NIPBL: variants seen among roughly 807,000 people sequenced by gnomAD.
NIPBL encodes the protein NIPBL cohesin loading factor, also known as nipped-B-like protein.
In NIPBL, 19 loss-of-function variants were observed where a neutral mutation model predicts 321.8. That is an observed-to-expected ratio of 0.06 (90% confidence interval 0.04 to 0.09). The LOEUF is 0.09. Among genes scored for constraint, NIPBL ranks in the 10% least tolerant of loss-of-function variants. The pLI is 1.00. For synonymous variants in NIPBL, 1,106 were observed against 1,114.1 expected (o/e 0.99, Z 0.14); for missense variants, 2,210 against 3,327.0 (o/e 0.66, Z 8.26).
intron 1 of NIPBL, among the ~76,000 whole-genome samples, chr5:36,952,075 T>TGCGCGCGC: frequency 2.8e-5 from 3 of 106,012 alleles, no homozygotes; most frequent in Non-Finnish European, 6.2e-5. Flanking sequence ...CGCGCGCGCA[T>TGCGCGCGC]GTGTGTGTGT....
At position 37,020,880 on chromosome 5, in the gene NIPBL, A is replaced by G; in HGVS notation, c.5328+3A>G. On this transcript the variant is annotated splice_donor_region_variant and intron_variant, in intron 27 of 46. Transcript: ENST00000282516. ...GCTTTGATATTTATTTGACACAGGT[A>G]AACTGGATAAGAATTCCTTATACAG... 1 of 1,591,258 alleles carries G rather than the reference A, an allele frequency of 6.3e-7. No individual in the cohort carries two copies. The highest frequency in any genetic ancestry group is 8.6e-7 in the Non-Finnish European group (1 of 1,159,158).
chr5:36,984,955 C>T lies in NIPBL; in HGVS notation c.1775C>T (p.Thr592Ile), dbSNP rs764538711. 6.2e-7 allele frequency: 1 copy of T among 1,613,872 alleles called. No individual in the cohort carries two copies. Among genetic ancestry groups the T allele is most frequent in the Admixed American group, 1.7e-5 (1 of 59,906 alleles). Residue 592 changes from threonine to isoleucine, a missense_variant, in exon 10 of 47, where the codon ACA (threonine) becomes ATA (isoleucine). Transcript: ENST00000282516. ...QEDIVGSLKS[T>I]PENHPETPKK... ...GATATTGTTGGAAGTCTTAAATCTACACCAGAAAACCATCCTGAGACACCT... is the reference window on the plus strand; with the variant it reads ...GATATTGTTGGAAGTCTTAAATCTATACCAGAAAACCATCCTGAGACACCT...
chr5:36,935,179 A>C (rs1297204441), intron 1 of NIPBL, among the ~76,000 whole-genome samples: 1 of 152,106 alleles, frequency 6.6e-6, no homozygotes, highest in Non-Finnish European at 1.5e-5. Context: ...TCTCACTTTA[A>C]AGGCAGTGGG....
intron 32 of NIPBL, among the ~76,000 whole-genome samples, chr5:37,031,005 C>T (rs530165525): frequency 1.2e-3 from 168 of 140,568 alleles, no homozygotes; most frequent in African/African-American, 4.1e-3. Flanking sequence ...GTTTTTGAGG[C>T]GGAGTTTCAC....
At chr5:37,027,493 G>A (rs1580515997) in intron 32 of NIPBL, 81 bp downstream of exon 32, 1 of 958,716 alleles carries the variant, frequency 1.0e-6, no homozygotes, top group South Asian at 1.4e-5. Flanking sequence ...TTTTTGGACT[G>A]TATGATTTAA....
chr5:37,003,378 C>G, intron 16 of NIPBL, 31 bp downstream of exon 16: 2 of 1,317,784 alleles, frequency 1.5e-6, no homozygotes, highest in Non-Finnish European at 2.2e-6. Flanking sequence ...GTTAATTTTA[C>G]CCTTAATGTT....
At chr5:36,972,091 A>T (rs1742913582) in intron 8 of NIPBL, 50 bp downstream of exon 8, 1 of 1,227,940 alleles carries the variant, frequency 8.1e-7, no homozygotes, top group Non-Finnish European at 1.2e-6. Context: ...TTTGAAGTTG[A>T]ATAAAGAACT....
At chr5:36,957,599 G>A (rs139528644) in intron 3 of NIPBL, among the ~76,000 whole-genome samples, 54 of 152,198 alleles carry the variant, frequency 3.5e-4, no homozygotes, top group African/African-American at 1.3e-3. Flanking sequence ...ACTGTGTAAA[G>A]TAAAATGAAG....
intron 6 of NIPBL, among the ~76,000 whole-genome samples, chr5:36,969,893 A>C (rs1742662473): frequency 6.6e-6 from 1 of 152,226 alleles, no homozygotes; most frequent in African/African-American, 2.4e-5. Context: ...AGGTTAAAAT[A>C]TGCATATCTG....
Position 36,970,904 on chromosome 5 carries a change from T to C in NIPBL, c.639T>C (p.Gly213=). 6.2e-7 allele frequency: 1 copy of C among 1,613,894 alleles called. No homozygotes were observed. Among genetic ancestry groups the C allele is most frequent in the Non-Finnish European group, 8.5e-7 (1 of 1,179,844 alleles). Residue 213 remains glycine (G), a synonymous_variant, in exon 7 of 47, where the codon GGT becomes GGC. Coordinates refer to ENST00000282516, the MANE Select transcript of NIPBL (RefSeq NM_133433.4). ...CGGTATCAAGTCCCATTGTTGCAGG[T>C]GGTTTGAGAAACATACATGATAATA... ...QASVSSPIVA[G]GLRNIHDNKV...
At position 37,049,136 on chromosome 5, in the gene NIPBL, C is replaced by T; in HGVS notation, c.6789C>T (p.Asp2263=). 1.2e-6 allele frequency: 2 copies of T among 1,614,094 alleles called. No homozygotes were observed. The highest frequency in any genetic ancestry group is 1.1e-5 in the South Asian group (1 of 91,080). ...RDWKKVAKQE[D]LKEMGDVSSG... is the part of the protein sequence containing the mutation. ...GGAAGAAAGTTGCAAAACAGGAAGA[C>T]TTAAAAGAAATGGGTGATGTTTCCT... is the stretch of plus-strand genomic sequence containing the variant. Residue 2263 remains aspartate, a synonymous_variant, in exon 40 of 47, where the codon GAC becomes GAT. Coordinates refer to ENST00000282516, the MANE Select transcript of NIPBL (RefSeq NM_133433.4).
intron 22 of NIPBL, among the ~76,000 whole-genome samples, chr5:37,015,644 C>T (rs186029070): frequency 1.2e-4 from 19 of 152,176 alleles, no homozygotes; most frequent in Admixed American, 7.2e-4. Flanking sequence ...GCAGGAGAAT[C>T]GCTGGAACCC....
chr5:36,902,660 T>A (rs1747322285), intron 1 of NIPBL, among the ~76,000 whole-genome samples: 1 of 152,208 alleles, frequency 6.6e-6, no homozygotes, highest in African/African-American at 2.4e-5. Context: ...TTAGTATAGT[T>A]TGAAGTTGGA....
In NIPBL at chr5:36,953,541, A is replaced by T; in HGVS notation, c.-79-77A>T. On this transcript the variant is annotated intron_variant, in intron 1 of 46. Transcript: ENST00000282516. ...CAAACCAAAGCAGTAACTTTTTTTT[A>T]TAGTGATTAAGCATTTTCCTGATAG... The T allele has an allele frequency of 1.6e-5, 11 of 673,700 alleles. No homozygotes were observed. The Admixed American group carries it at 1.8e-4, about 11-fold the overall frequency. The allele number at this position is 673,700 out of a possible 1,614,324, so 41.7% of individuals were successfully genotyped here.
chr5:36,940,930 G>A (rs1031220203), intron 1 of NIPBL, among the ~76,000 whole-genome samples: 10 of 151,974 alleles, frequency 6.6e-5, no homozygotes, highest in African/African-American at 1.9e-4. Context: ...TATATGTTTC[G>A]TAGTGATTAT....
chr5:37,018,202 G>C (rs1749208456), intron 24 of NIPBL, among the ~76,000 whole-genome samples: 4 of 152,204 alleles, frequency 2.6e-5, no homozygotes, highest in Non-Finnish European at 5.9e-5. Context: ...AATGAATGCT[G>C]AAACTTGGGA....
At chr5:36,883,565 A>T (rs1035288533) in intron 1 of NIPBL, among the ~76,000 whole-genome samples, 2 of 143,664 alleles carry the variant, frequency 1.4e-5, no homozygotes, top group East Asian at 4.0e-4. Flanking sequence ...ACTAATTATT[A>T]AATTCTGACT....
In NIPBL at chr5:37,059,002, G is replaced by A; in HGVS notation, c.7522G>A (p.Asp2508Asn). ...GCCTCGGAAGTCACGGAAACGTGTA[G>A]ATTCAGATTCAGATTCAGATTCAGA... ...SRPRKSRKRV[D>N]SDSDSDSEDD... is the part of the protein sequence containing the mutation. Residue 2508 changes from aspartate (D) to asparagine (N), a missense_variant, in exon 44 of 47, where the codon GAT becomes AAT. Transcript: ENST00000282516. The A allele has an allele frequency of 6.2e-7, 1 of 1,613,766 alleles. No individual in the cohort carries two copies. Among genetic ancestry groups the A allele is most frequent in the Non-Finnish European group, 8.5e-7 (1 of 1,179,750 alleles).
intron 6 of NIPBL, among the ~76,000 whole-genome samples, chr5:36,963,854 G>A (rs1741904986): frequency 6.6e-6 from 1 of 152,032 alleles, no homozygotes; most frequent in Admixed American, 6.6e-5. Context: ...ACATATCTAT[G>A]TGTATATGTA....
Sources: gnomAD v4.1 joint callset for allele counts (sites outside exome capture counted in the v4.1 genomes callset) on GRCh38, gnomAD v4.1.1 for gene constraint, MANE v1.5 for transcripts, NCBI Gene and HGNC (gene_info 2026-07-23, HGNC 2026-07-21) for gene names.